Variants in DENND2B observed in about 807,000 individuals in gnomAD.
DENND2B encodes the protein DENN domain-containing protein 2B.
In DENND2B, 32 loss-of-function variants were observed where a neutral mutation model predicts 116.0. The observed-to-expected ratio is 0.28, with a 90% CI of 0.21 to 0.37. The LOEUF (loss-of-function observed/expected upper bound fraction) is 0.37. DENND2B is among the 10% of genes least tolerant of loss of function. The probability of loss-of-function intolerance (pLI) is 1.00; values close to 1 mark genes in which losing one functional copy is unlikely to be tolerated. For synonymous variants in DENND2B, 588 were observed against 583.9 expected (o/e 1.01, Z -0.10); for missense variants, 1,276 against 1,477.7 (o/e 0.86, Z 2.24).
At chr11:8,768,995 C>T (rs1405755542) in intron 1 of DENND2B, among the ~76,000 whole-genome samples, 1 of 152,192 alleles carries the variant, frequency 6.6e-6, no homozygotes, top group Middle Eastern at 3.2e-3. Context: ...GAAGAAGCCA[C>T]TTGGCTCTAA....
intron 1 of DENND2B, among the ~76,000 whole-genome samples, chr11:8,762,264 A>G (rs1272287926): frequency 6.6e-6 from 1 of 151,632 alleles, no homozygotes; most frequent in East Asian, 1.9e-4. Context: ...CACTGTCTCC[A>G]CTCCAGCCAC....
chr11:8,797,428 C>T (rs1021021893), intron 1 of DENND2B, among the ~76,000 whole-genome samples: 1 of 149,042 alleles, frequency 6.7e-6, no homozygotes, highest in Non-Finnish European at 1.5e-5. Flanking sequence ...ATATTCTTAT[C>T]CCCTTCCCCC....
chr11:8,910,845 C>G (rs989566038), exon 1 of DENND2B: 3 of 154,336 alleles, frequency 1.9e-5, no homozygotes, highest in Non-Finnish European at 2.9e-5. Context: ...CAGTAGCCCT[C>G]TAAGGGCCAG....
upstream of DENND2B, among the ~76,000 whole-genome samples, chr11:8,873,101 C>CA (rs2063808350): frequency 6.6e-6 from 1 of 152,336 alleles, no homozygotes; most frequent in Non-Finnish European, 1.5e-5. Flanking sequence ...ATTCTACCTG[C>CA]AGCTCTCTGA....
chr11:8,900,775 T>G (rs2064157315), intron 1 of DENND2B, among the ~76,000 whole-genome samples: 1 of 151,366 alleles, frequency 6.6e-6, no homozygotes, highest in Non-Finnish European at 1.5e-5. Flanking sequence ...AAGACCAGCA[T>G]GGCCAATATG....
intron 1 of DENND2B, chr11:8,774,431 A>G (rs746912452): frequency 6.4e-5 from 43 of 674,312 alleles, no homozygotes; most frequent in Non-Finnish European, 7.7e-5. Flanking sequence ...CATTAGCTGA[A>G]TGACTTTCCT....
chr11:8,878,859 A>G (rs1019289261), intron 2 of DENND2B, among the ~76,000 whole-genome samples: 4 of 152,212 alleles, frequency 2.6e-5, no homozygotes, highest in African/African-American at 9.6e-5. Context: ...GAGACAGAAG[A>G]TAAATGGTTG....
upstream of DENND2B, among the ~76,000 whole-genome samples, chr11:8,815,449 C>T (rs1368627363): frequency 6.6e-6 from 1 of 152,142 alleles, no homozygotes; most frequent in Non-Finnish European, 1.5e-5. Context: ...CTTGCCCACA[C>T]CTCCCCTGCT....
chr11:8,694,211 C>T (rs1341675596), intron 19 of DENND2B, 81 bp from the exon 20 acceptor site: 2 of 1,520,918 alleles, frequency 1.3e-6, no homozygotes, highest in East Asian at 2.3e-5. Context: ...GTAGCCCTAA[C>T]CCTGTCAGTG....
At chr11:8,812,886 AAGG>A (rs1170836134), upstream of DENND2B, among the ~76,000 whole-genome samples, 5 of 152,044 alleles carry the variant, frequency 3.3e-5, no homozygotes, top group Non-Finnish European at 7.4e-5. Context: ...ACTGAGGCTT[AAGG>A]AGGATATTTT....
chr11:8,701,255 G>C (rs1474046166), intron 14 of DENND2B, among the ~76,000 whole-genome samples: 1 of 150,590 alleles, frequency 6.6e-6, no homozygotes, highest in Non-Finnish European at 1.5e-5. Context: ...GTGCCTAGCA[G>C]CATGGCTGCC....
intron 1 of DENND2B, among the ~76,000 whole-genome samples, chr11:8,884,211 T>C (rs1188246629): frequency 1.3e-5 from 2 of 151,598 alleles, no homozygotes; most frequent in Non-Finnish European, 2.9e-5. Flanking sequence ...GCTTTCTCCA[T>C]GACAGGCAAT....
At chr11:8,737,739 CTCTTCCTCTCCTTCCTCT>C (rs1257126641) in intron 2 of DENND2B, among the ~76,000 whole-genome samples, 2 of 150,904 alleles carry the variant, frequency 1.3e-5, no homozygotes, top group East Asian at 1.9e-4. Context: ...ATTCTTTCTT[CTCTTCCTCTCCTTCCTCT>C]TCTTCCTCTC....
chr11:8,731,145 C>T lies in DENND2B; in HGVS notation c.145G>A (p.Asp49Asn), dbSNP rs756642644. Residue 49 changes from aspartate to asparagine, a missense_variant, in exon 3 of 20, where the codon GAT becomes AAT. Around this residue, in one of 2 missense-constraint regions of DENND2B, gnomAD observed 856 missense variants for 846.6 expected, o/e 1.01. Transcript: ENST00000313726. ...PPRSPIYPLS[D>N]SETSACRYPS... ...TACCTGCAGGCTGAGGTTTCACTATCACTGAGCGGGTAGATGGGACTCCTT... is the reference window on the plus strand; with the variant it reads ...TACCTGCAGGCTGAGGTTTCACTATTACTGAGCGGGTAGATGGGACTCCTT... 1 of 1,575,972 alleles carries T rather than the reference C, an allele frequency of 6.3e-7. No homozygotes were observed.
chr11:8,839,394 CTT>C (rs1209358752), intron 3 of DENND2B: 46 of 152,356 alleles, frequency 3.0e-4, no homozygotes, highest in African/African-American at 1.1e-3. Context: ...GTAAAATTCA[CTT>C]ACACTTTCCA....
intron 2 of DENND2B, among the ~76,000 whole-genome samples, chr11:8,744,955 T>C (rs1193307642): frequency 1.3e-5 from 2 of 150,616 alleles, no homozygotes; most frequent in Non-Finnish European, 3.0e-5. Context: ...AGGGTTTCAG[T>C]CTATGCCCAA....
intron 1 of DENND2B, among the ~76,000 whole-genome samples, chr11:8,757,970 G>C (rs1204465996): frequency 1.3e-5 from 2 of 152,146 alleles, no homozygotes; most frequent in African/African-American, 4.8e-5. Flanking sequence ...ACCTAGTGAA[G>C]GAACAGAGCA....
At chr11:8,716,648 ATCTT>A (rs1354058276) in intron 5 of DENND2B, among the ~76,000 whole-genome samples, 2 of 135,288 alleles carry the variant, frequency 1.5e-5, no homozygotes, top group African/African-American at 5.8e-5. Context: ...TAGAGGGTAA[ATCTT>A]TTTTTTTTTT....
intron 2 of DENND2B, among the ~76,000 whole-genome samples, chr11:8,731,687 T>TA (rs2048152805): frequency 1.3e-5 from 2 of 151,936 alleles, no homozygotes; most frequent in African/African-American, 4.8e-5. Context: ...CTGTGTATGG[T>TA]AAAAAGAGGG....
Sources: allele counts gnomAD v4.1 joint callset (sites outside exome capture counted in the v4.1 genomes callset), GRCh38; gene constraint gnomAD v4.1.1; regional missense constraint gnomAD v4.1.1; transcripts MANE v1.5; gene names NCBI Gene and HGNC (gene_info 2026-07-23, HGNC 2026-07-21).